The following FGD4 variants were observed in gnomAD, a reference collection of about 807,000 sequenced individuals.
FGD4 encodes the protein FYVE, RhoGEF and PH domain-containing protein 4.
FGD4 carries 42 observed loss-of-function variants against 102.0 expected under a neutral mutation model. That is an observed-to-expected ratio of 0.41 (90% CI 0.32 to 0.53). The LOEUF (loss-of-function observed/expected upper bound fraction) is 0.53. Ranked by LOEUF, FGD4 falls within the 20% of genes least tolerant of loss-of-function variation. The pLI is 0.21. For missense variants in FGD4, 902 were observed against 1,078.2 expected, an observed-to-expected ratio of 0.84 and a Z score of 2.29; for synonymous variants, 380 against 375.7, an observed-to-expected ratio of 1.01 and a Z score of -0.13.
chr12:32,635,347 G>A (rs537582446), intron 15 of FGD4, among the ~76,000 whole-genome samples: 1 of 152,110 alleles, frequency 6.6e-6, no homozygotes, highest in African/African-American at 2.4e-5. Flanking sequence ...GCTTCAGGCC[G>A]TATCTCTGAA....
intron 10 of FGD4, among the ~76,000 whole-genome samples, chr12:32,613,275 T>G (rs1949257590): frequency 6.6e-6 from 1 of 152,158 alleles, no homozygotes; most frequent in Admixed American, 6.5e-5. Flanking sequence ...AAGGAAAACT[T>G]AGGAACTAAT....
intron 14 of FGD4, among the ~76,000 whole-genome samples, chr12:32,633,105 G>C (rs73085454): frequency 6.7e-5 from 10 of 150,290 alleles, no homozygotes; most frequent in African/African-American, 2.4e-4. Context: ...GAAAATCTTT[G>C]GGTAAGATCG....
At chr12:32,504,989 T>C (rs1938567655) in intron 1 of FGD4, among the ~76,000 whole-genome samples, 1 of 152,214 alleles carries the variant, frequency 6.6e-6, no homozygotes, top group African/African-American at 2.4e-5. Flanking sequence ...AGTCCTTCAG[T>C]TTCTTTGCTT....
intron 1 of FGD4, among the ~76,000 whole-genome samples, chr12:32,528,658 T>C (rs7314101): frequency 6.6e-5 from 10 of 152,248 alleles, no homozygotes; most frequent in Non-Finnish European, 1.3e-4. Flanking sequence ...CCCAAAGTGC[T>C]GAGATTACAA....
At chr12:32,578,332 G>A (rs1340457198) in intron 3 of FGD4, among the ~76,000 whole-genome samples, 1 of 152,138 alleles carries the variant, frequency 6.6e-6, no homozygotes, top group Non-Finnish European at 1.5e-5. Context: ...TGGATCTATA[G>A]GACTTAAGTA....
At chr12:32,443,160 T>G (rs916389870) in intron 1 of FGD4, among the ~76,000 whole-genome samples, 1 of 152,196 alleles carries the variant, frequency 6.6e-6, no homozygotes, top group South Asian at 2.1e-4. Flanking sequence ...GTGCAGAAGC[T>G]TTTTAGTTTG....
intron 1 of FGD4, among the ~76,000 whole-genome samples, chr12:32,414,256 G>A (rs1186398937): frequency 6.6e-6 from 1 of 151,832 alleles, no homozygotes; most frequent in African/African-American, 2.4e-5. Flanking sequence ...ATAGGCGTGT[G>A]CCACCGCACC....
chr12:32,415,491 C>G (rs982016324), intron 1 of FGD4, among the ~76,000 whole-genome samples: 2 of 146,390 alleles, frequency 1.4e-5, no homozygotes, highest in South Asian at 4.3e-4. Flanking sequence ...GGCACAGTCT[C>G]GGCTCACTGC....
At chr12:32,418,214 C>T (rs56262267) in intron 1 of FGD4, among the ~76,000 whole-genome samples, 9,516 of 152,124 alleles carry the variant, frequency 0.063, 421 homozygotes, top group Middle Eastern at 0.14. Flanking sequence ...CCTCTGCCTC[C>T]CAAAGTGCTG....
chr12:32,600,517 A>G (rs1203627089), intron 5 of FGD4: 4 of 1,167,592 alleles, frequency 3.4e-6, no homozygotes, highest in African/African-American at 3.3e-5. Flanking sequence ...GAGGTATAGT[A>G]GCCCTAGTGA....
At chr12:32,464,310 G>A (rs1012439246) in intron 1 of FGD4, among the ~76,000 whole-genome samples, 5 of 151,938 alleles carry the variant, frequency 3.3e-5, no homozygotes, top group Non-Finnish European at 7.4e-5. Flanking sequence ...GCACCACTTC[G>A]CCCGGCTAAT....
intron 13 of FGD4, 151 bp from the exon 14 acceptor site, chr12:32,625,503 C>G (rs945627192): frequency 2.2e-6 from 2 of 908,394 alleles, no homozygotes; most frequent in Non-Finnish European, 3.3e-6. Context: ...CTACTGACTT[C>G]AGGTGATCCG....
At chr12:32,424,355 C>T (rs976114611) in intron 1 of FGD4, among the ~76,000 whole-genome samples, 9 of 151,922 alleles carry the variant, frequency 5.9e-5, no homozygotes, top group Admixed American at 1.3e-4. Context: ...TTGCTGAAGA[C>T]GATTGTTTCT....
intron 3 of FGD4, among the ~76,000 whole-genome samples, chr12:32,581,177 C>G (rs1359483278): frequency 6.6e-6 from 1 of 152,110 alleles, no homozygotes; most frequent in Non-Finnish European, 1.5e-5. Context: ...GCAAAGACCC[C>G]AAGACACATA....
chr12:32,572,051 C>T (rs1040556766), intron 2 of FGD4, among the ~76,000 whole-genome samples: 1 of 151,774 alleles, frequency 6.6e-6, no homozygotes, highest in African/African-American at 2.4e-5. Context: ...TGTGACAGAG[C>T]AAGACCATCT....
chr12:32,635,627 C>G (rs1272511839), intron 15 of FGD4, among the ~76,000 whole-genome samples: 1 of 151,890 alleles, frequency 6.6e-6, no homozygotes, highest in Non-Finnish European at 1.5e-5. Flanking sequence ...GAGGCCAAAC[C>G]AAGGATATTA....
At chr12:32,538,859 C>T (rs768097658) in intron 1 of FGD4, among the ~76,000 whole-genome samples, 3 of 152,030 alleles carry the variant, frequency 2.0e-5, no homozygotes, top group Non-Finnish European at 4.4e-5. Context: ...CCGAGACCAT[C>T]CTGGCTAACA....
chr12:32,427,803 T>G (rs1941899021), intron 1 of FGD4, among the ~76,000 whole-genome samples: 1 of 152,236 alleles, frequency 6.6e-6, no homozygotes, highest in Admixed American at 6.5e-5. Context: ...ATTGATCCCT[T>G]TACCATTATG....
intron 1 of FGD4, among the ~76,000 whole-genome samples, chr12:32,537,563 C>T (rs190724529): frequency 6.6e-6 from 1 of 152,194 alleles, no homozygotes; most frequent in African/African-American, 2.4e-5. Context: ...GTGCAAGGCC[C>T]TACCTTCTCT....
Sources: gnomAD v4.1 joint callset for allele counts (sites outside exome capture counted in the v4.1 genomes callset) on GRCh38, gnomAD v4.1.1 for gene constraint, MANE v1.5 for transcripts, NCBI Gene and HGNC (gene_info 2026-07-23, HGNC 2026-07-21) for gene names.